The following TCF20 variants were observed in gnomAD, a reference collection of about 807,000 sequenced individuals.
TCF20 encodes the protein SPRE-binding protein.
TCF20 carries 3 observed loss-of-function variants against 148.6 expected under a neutral mutation model. The observed-to-expected ratio is 0.02, with a 90% CI of 0.01 to 0.05. TCF20 has a LOEUF of 0.05. Ranked by LOEUF, TCF20 falls within the 10% of genes least tolerant of loss-of-function variation. The pLI is 1.00. For missense variants in TCF20, 2,350 were observed against 2,429.3 expected, an observed-to-expected ratio of 0.97 and a Z score of 0.69; for synonymous variants, 1,049 against 909.5, an observed-to-expected ratio of 1.15 and a Z score of -2.76.
At chr22:42,302,717 C>G (rs1927359529) in intron 1 of TCF20, among the ~76,000 whole-genome samples, 1 of 152,138 alleles carries the variant, frequency 6.6e-6, no homozygotes, top group Non-Finnish European at 1.5e-5. Context: ...CAGGACTTAT[C>G]CAGAACCCCC....
chr22:42,198,355 T>C (rs1484738101), intron 2 of TCF20, among the ~76,000 whole-genome samples: 1 of 152,198 alleles, frequency 6.6e-6, no homozygotes, highest in Non-Finnish European at 1.5e-5. Flanking sequence ...AATTCACGTA[T>C]AGTGCTTAGA....
intron 1 of TCF20, among the ~76,000 whole-genome samples, chr22:42,239,559 A>G (rs1291231331): frequency 6.6e-6 from 1 of 152,132 alleles, no homozygotes; most frequent in Non-Finnish European, 1.5e-5. Flanking sequence ...AGGCTGAGGC[A>G]GGCAGATCAC....
intron 1 of TCF20, among the ~76,000 whole-genome samples, chr22:42,302,995 T>TCTC (rs145883500): frequency 0.021 from 3,254 of 152,270 alleles, 53 homozygotes; most frequent in Middle Eastern, 0.034. Context: ...AGTGGCACAA[T>TCTC]CTCCGCTCAC....
At chr22:42,218,935 G>A (rs2147238697) in intron 1 of TCF20, among the ~76,000 whole-genome samples, 1 of 152,188 alleles carries the variant, frequency 6.6e-6, no homozygotes, top group South Asian at 2.1e-4. Context: ...CCTCCTGCAG[G>A]GTTCCAGTCA....
chr22:42,162,820 T>C (rs893767068), intron 5 of TCF20, among the ~76,000 whole-genome samples: 2 of 152,146 alleles, frequency 1.3e-5, no homozygotes, highest in South Asian at 4.1e-4. Flanking sequence ...GGAGCTAAGA[T>C]TGAGCTGTTC....
At chr22:42,313,338 C>A (rs1927570181) in intron 1 of TCF20, among the ~76,000 whole-genome samples, 1 of 152,182 alleles carries the variant, frequency 6.6e-6, no homozygotes. Flanking sequence ...CCTAGACCTG[C>A]CTCGTGCAAT....
At position 42,211,214 on chromosome 22, in the gene TCF20, A is replaced by G; in HGVS notation, c.4092T>C (p.Ile1364=). ...AIVQKITSPN[I]RRSASSNSAE... ...CACTGTTCGAAGATGCGCTCCTCCTAATATTTGGGGATGTAATCTTCTGAA... is the reference window on the plus strand; with the variant it reads ...CACTGTTCGAAGATGCGCTCCTCCTGATATTTGGGGATGTAATCTTCTGAA... Residue 1364 remains isoleucine, a synonymous_variant, in exon 2 of 6, where the codon ATT becomes ATC. Transcript: ENST00000677622. The G allele has an allele frequency of 3.1e-6, 5 of 1,614,084 alleles. No individual in the cohort carries two copies. The highest frequency in any genetic ancestry group is 4.5e-5 in the East Asian group (2 of 44,870).
At position 42,214,460 on chromosome 22, in the gene TCF20, C is replaced by G. The variant is rs1351393954; in HGVS notation, c.846G>C (p.Gln282His). Residue 282 changes from glutamine (Q) to histidine (H), a missense_variant, in exon 2 of 6, where the codon CAG becomes CAC. By Grantham distance (24) the Gln-to-His change is conservative. Coordinates refer to ENST00000677622, the MANE Select transcript of TCF20 (RefSeq NM_001378418.1). ...YEGHNVGSNA[Q>H]AYGTQSNYSY... is the part of the protein sequence containing the mutation. ...TGTAATTGGATTGTGTTCCATAAGCCTGTGCATTAGAACCCACATTGTGTC... is the reference window on the plus strand; with the variant it reads ...TGTAATTGGATTGTGTTCCATAAGCGTGTGCATTAGAACCCACATTGTGTC... 6.2e-7 allele frequency: 1 copy of G among 1,614,168 alleles called. No individual in the cohort carries two copies. Among genetic ancestry groups the G allele is most frequent in the East Asian group, 2.2e-5 (1 of 44,878 alleles).
intron 1 of TCF20, among the ~76,000 whole-genome samples, chr22:42,322,504 G>T (rs1228022875): frequency 2.0e-5 from 3 of 151,934 alleles, no homozygotes; most frequent in Non-Finnish European, 4.4e-5. Flanking sequence ...CCGTGGAGGA[G>T]GCAGGGCCTG....
chr22:42,230,408 G>A (rs1013832612), intron 1 of TCF20, among the ~76,000 whole-genome samples: 1 of 152,130 alleles, frequency 6.6e-6, no homozygotes, highest in East Asian at 1.9e-4. Context: ...CATAATACTT[G>A]AAAATAAACT....
chr22:42,177,259 A>C (rs1312777732), intron 3 of TCF20, among the ~76,000 whole-genome samples: 3 of 152,142 alleles, frequency 2.0e-5, no homozygotes, highest in African/African-American at 7.2e-5. Context: ...TACTAAAAAT[A>C]CAAAAATTAG....
chr22:42,295,992 C>T (rs1372040468), intron 1 of TCF20, among the ~76,000 whole-genome samples: 1 of 152,216 alleles, frequency 6.6e-6, no homozygotes, highest in Non-Finnish European at 1.5e-5. Context: ...TTGAAGCCAG[C>T]AAGCTGGGGT....
At chr22:42,280,782 A>G (rs1377808004) in intron 1 of TCF20, among the ~76,000 whole-genome samples, 1 of 152,192 alleles carries the variant, frequency 6.6e-6, no homozygotes, top group South Asian at 2.1e-4. Flanking sequence ...TAAGCTAACA[A>G]TTATTCAGTG....
chr22:42,179,490 C>CAAAAAAAAAAA lies in TCF20; in HGVS notation c.5749+108_5749+118dup, dbSNP rs57857271. ...GGTGGGAAGTTTTTTTATGAAGTGA[C>CAAAAAAAAAAA]AAAAAAAAAAAAAAAAAAAAAGAAA... is the stretch of plus-strand genomic sequence containing the variant. On this transcript the variant is annotated intron_variant, in intron 3 of 5. Coordinates refer to ENST00000677622, the MANE Select transcript of TCF20 (RefSeq NM_001378418.1). The CAAAAAAAAAAA allele has an allele frequency of 5.6e-5, 21 of 373,200 alleles. 1 individual carries two copies. Among genetic ancestry groups the CAAAAAAAAAAA allele is most frequent in the Admixed American group, 1.6e-4 (3 of 19,158 alleles). 23.1% of individuals were successfully genotyped at this position (373,200 alleles called of 1,614,324 possible).
intron 1 of TCF20, among the ~76,000 whole-genome samples, chr22:42,222,132 T>A (rs1467754089): frequency 1.3e-5 from 2 of 152,206 alleles, no homozygotes; most frequent in Non-Finnish European, 2.9e-5. Flanking sequence ...ACAGTGTCAC[T>A]TGTGACTGTA....
chr22:42,323,894 TGGTGGTGGA>T (rs1184093596), intron 1 of TCF20, among the ~76,000 whole-genome samples: 3 of 91,610 alleles, frequency 3.3e-5, no homozygotes, highest in Admixed American at 1.2e-4. Context: ...ATGGAGGTTA[TGGTGGTGGA>T]GGTGGTGGTG....
At position 42,210,644 on chromosome 22, in the gene TCF20, C is replaced by T. The variant is rs897095865; in HGVS notation, c.4662G>A (p.Gln1554=). 6.8e-6 allele frequency: 11 copies of T among 1,614,034 alleles called. No homozygotes were observed. Among genetic ancestry groups the T allele is most frequent in the South Asian group, 4.4e-5 (4 of 91,076 alleles). The change falls in exon 2 of 6, where the codon CAG becomes CAA. Residue 1554 remains glutamine, a synonymous_variant. Transcript: ENST00000677622. The surrounding 1 kb of genome is among the most constrained non-coding windows in gnomAD (Gnocchi z 4.7). The stretch of plus-strand genomic sequence containing the variant: ...GCTGAGGGGGTGGAGGCGGTGGCTG[C>T]TGCTGTTTCTTTTGCTTATTCACAC... ...IGSVNKQKKQ[Q]QPPPPPPQPP...
At chr22:42,295,235 C>T (rs1223172249) in intron 1 of TCF20, among the ~76,000 whole-genome samples, 1 of 152,132 alleles carries the variant, frequency 6.6e-6, no homozygotes, top group African/African-American at 2.4e-5. Context: ...ACAGCTGCCC[C>T]TGCACCATAG....
At chr22:42,168,472 G>A (rs1601510972) in intron 5 of TCF20, 137 bp downstream of exon 5, 1 of 1,313,372 alleles carries the variant, frequency 7.6e-7, no homozygotes, top group Non-Finnish European at 1.0e-6. Flanking sequence ...ACCAATGGAA[G>A]AACACTGCAT....
Sources: allele counts gnomAD v4.1 joint callset (sites outside exome capture counted in the v4.1 genomes callset), GRCh38; gene constraint gnomAD v4.1.1; non-coding constraint Gnocchi (gnomAD v3.1); transcripts MANE v1.5; gene names NCBI Gene and HGNC (gene_info 2026-07-23, HGNC 2026-07-21).